PCDH9: variants seen among roughly 807,000 people sequenced by gnomAD.
PCDH9 encodes protocadherin 9.
Under a neutral mutation model 70.6 loss-of-function variants are expected in PCDH9, and 24 were observed. That is an observed-to-expected ratio of 0.34 (90% CI 0.25 to 0.48). The LOEUF (loss-of-function observed/expected upper bound fraction) is 0.48, where lower values mean the gene tolerates loss of function less well. Ranked by LOEUF, PCDH9 falls within the 20% of genes least tolerant of loss-of-function variation. PCDH9 has a pLI of 0.99. For synonymous variants in PCDH9, 562 were observed against 558.5 expected (o/e 1.01, Z -0.09); for missense variants, 1,281 against 1,503.6 (o/e 0.85, Z 2.45).
chr13:66,333,546 A>G (rs1955979337), intron 4 of PCDH9, among the ~76,000 whole-genome samples: 1 of 152,210 alleles, frequency 6.6e-6, no homozygotes, highest in Admixed American at 6.5e-5. Flanking sequence ...ATTTTAAAAT[A>G]GAATGACTTA....
At chr13:66,597,662 C>T (rs894239165) in intron 4 of PCDH9, among the ~76,000 whole-genome samples, 4 of 151,746 alleles carry the variant, frequency 2.6e-5, no homozygotes, top group Middle Eastern at 3.4e-3. Context: ...TTTATAACAT[C>T]GTTCTTGGCA....
At chr13:66,718,881 G>T (rs1240695888) in intron 3 of PCDH9, among the ~76,000 whole-genome samples, 1 of 152,184 alleles carries the variant, frequency 6.6e-6, no homozygotes, top group Admixed American at 6.5e-5. Flanking sequence ...CTGGCTTGCA[G>T]CGTGGACCAG....
At chr13:67,187,984 T>A (rs1473017067) in intron 2 of PCDH9, among the ~76,000 whole-genome samples, 1 of 152,152 alleles carries the variant, frequency 6.6e-6, no homozygotes, top group African/African-American at 2.4e-5. Context: ...CCCTGTACTG[T>A]AATCATTGTG....
intron 4 of PCDH9, among the ~76,000 whole-genome samples, chr13:66,449,426 TTGG>T (rs1342826293): frequency 2.0e-5 from 3 of 152,168 alleles, no homozygotes; most frequent in Non-Finnish European, 4.4e-5. Context: ...AGAATATGGA[TTGG>T]TTTTGAGAAC....
At chr13:67,149,781 G>A (rs2087611821) in intron 2 of PCDH9, among the ~76,000 whole-genome samples, 2 of 151,702 alleles carry the variant, frequency 1.3e-5, no homozygotes, top group South Asian at 4.2e-4. Flanking sequence ...CATTTGTATG[G>A]CATTTGAGTT....
intron 4 of PCDH9, among the ~76,000 whole-genome samples, chr13:66,510,098 T>A (rs893633876): frequency 3.9e-5 from 6 of 152,228 alleles, no homozygotes; most frequent in Middle Eastern, 3.4e-3. Context: ...AGCAGAAAAA[T>A]TTCCTTTCAG....
chr13:67,049,515 G>A (rs1331711904), intron 2 of PCDH9, among the ~76,000 whole-genome samples: 1 of 152,124 alleles, frequency 6.6e-6, no homozygotes, highest in African/African-American at 2.4e-5. Context: ...CTCATTGTTG[G>A]TGGAGCATAA....
At chr13:66,738,632 C>T (rs2079198689) in intron 3 of PCDH9, among the ~76,000 whole-genome samples, 1 of 143,806 alleles carries the variant, frequency 7.0e-6, no homozygotes, top group African/African-American at 2.5e-5. Flanking sequence ...AGAACCAATA[C>T]AGAGAAGTGC....
intron 2 of PCDH9, among the ~76,000 whole-genome samples, chr13:67,179,135 C>T (rs536933122): frequency 6.6e-6 from 1 of 152,038 alleles, no homozygotes; most frequent in South Asian, 2.1e-4. Context: ...ATGTCCTAGG[C>T]ACTGTGTTGG....
At chr13:66,634,857 C>A (rs2077616845) in intron 3 of PCDH9, among the ~76,000 whole-genome samples, 1 of 152,114 alleles carries the variant, frequency 6.6e-6, no homozygotes. Flanking sequence ...TGGCATGCCT[C>A]ACCATGCAAC....
At chr13:66,809,222 A>G (rs1385277999) in intron 3 of PCDH9, among the ~76,000 whole-genome samples, 1 of 152,178 alleles carries the variant, frequency 6.6e-6, no homozygotes, top group African/African-American at 2.4e-5. Context: ...TGCTGGGATT[A>G]CAGGCATGAG....
intron 3 of PCDH9, among the ~76,000 whole-genome samples, chr13:66,828,924 G>A (rs74861905): frequency 0.031 from 4,699 of 152,018 alleles, 92 homozygotes; most frequent in Non-Finnish European, 0.052. Flanking sequence ...GATTCAATAA[G>A]GATGTTTATC....
intron 4 of PCDH9, among the ~76,000 whole-genome samples, chr13:66,443,342 A>C (rs1566328898): frequency 6.6e-6 from 1 of 152,154 alleles, no homozygotes; most frequent in Admixed American, 6.6e-5. Flanking sequence ...AATGGTCAAA[A>C]AGGGCATAGC....
chr13:67,060,982 T>C (rs116748524), intron 2 of PCDH9, among the ~76,000 whole-genome samples: 1,544 of 152,222 alleles, frequency 0.01, 34 homozygotes, highest in African/African-American at 0.035. Flanking sequence ...TTAAAAATCA[T>C]GATTAAAGAA....
intron 4 of PCDH9, among the ~76,000 whole-genome samples, chr13:66,417,710 G>C (rs1364856260): frequency 1.3e-5 from 2 of 152,156 alleles, no homozygotes; most frequent in Non-Finnish European, 2.9e-5. Context: ...TAACTGGCTT[G>C]AGATAGTATC....
At chr13:66,731,896 T>C (rs2079084321) in intron 3 of PCDH9, among the ~76,000 whole-genome samples, 1 of 152,064 alleles carries the variant, frequency 6.6e-6, no homozygotes, top group Non-Finnish European at 1.5e-5. Flanking sequence ...TAGACTCTGC[T>C]ATATTTCTTA....
intron 4 of PCDH9, among the ~76,000 whole-genome samples, chr13:66,390,727 T>A (rs1957003345): frequency 8.3e-6 from 1 of 119,854 alleles, no homozygotes; most frequent in African/African-American, 2.7e-5. Flanking sequence ...AGAGATGGAG[T>A]CATCTCAAAA....
At chr13:66,546,127 C>T (rs1051681699) in intron 4 of PCDH9, among the ~76,000 whole-genome samples, 8 of 151,552 alleles carry the variant, frequency 5.3e-5, no homozygotes, top group African/African-American at 7.3e-5. Context: ...CATGAGCCAC[C>T]GCACCCGGCC....
chr13:66,717,470 AAAAAAAAAAAATATATATATATAT>A, intron 3 of PCDH9, among the ~76,000 whole-genome samples: 1 of 37,130 alleles, frequency 2.7e-5, no homozygotes, highest in Non-Finnish European at 5.8e-5. Context: ...AAAAAAAAAA[AAAAAAAAAAAATATATATATATAT>A]ATATATATAT....
Sources: gnomAD v4.1 joint callset for allele counts (sites outside exome capture counted in the v4.1 genomes callset) on GRCh38, gnomAD v4.1.1 for gene constraint, MANE v1.5 for transcripts, NCBI Gene and HGNC (gene_info 2026-07-23, HGNC 2026-07-21) for gene names.